Variants in CELF2 observed in about 807,000 individuals in gnomAD.
The protein encoded by CELF2 is CUGBP Elav-like family member 2.
In CELF2, 8 loss-of-function variants were observed where a neutral mutation model predicts 62.6. The observed-to-expected ratio is 0.13, with a 90% CI of 0.07 to 0.23. The LOEUF is 0.23. Ranked by LOEUF, CELF2 falls within the 10% of genes least tolerant of loss-of-function variation. The pLI is 1.00. For missense variants in CELF2, 333 were observed against 671.0 expected, an observed-to-expected ratio of 0.50 and a Z score of 5.56; for synonymous variants, 258 against 250.0, an observed-to-expected ratio of 1.03 and a Z score of -0.30.
the CELF2 span, among the ~76,000 whole-genome samples, chr10:10,537,197 C>T: frequency 6.6e-6 from 1 of 152,168 alleles, no homozygotes; most frequent in Non-Finnish European, 1.5e-5. Context: ...AGACTTGAGA[C>T]TTAGCTCTTA....
At chr10:11,032,146 CAAA>C (rs56364371) in intron 1 of CELF2, among the ~76,000 whole-genome samples, 2,647 of 86,382 alleles carry the variant, frequency 0.031, 64 homozygotes, top group Non-Finnish European at 0.047. Flanking sequence ...AGGGCTTAGC[CAAA>C]AAAAAAAAAA....
intron 1 of CELF2, among the ~76,000 whole-genome samples, chr10:11,144,060 G>C (rs896238527): frequency 1.3e-5 from 2 of 151,856 alleles, no homozygotes; most frequent in Non-Finnish European, 2.9e-5. Context: ...TTCATTTTTG[G>C]GTTCACTCTC....
chr10:10,838,159 G>A lies in CELF2; in HGVS notation c.53+39342G>A, dbSNP rs190061778. 1.3e-4 allele frequency among the ~76,000 whole-genome samples: 20 copies of A among 152,290 alleles called. 1 individual carries two copies. Among genetic ancestry groups the A allele is most frequent in the Admixed American group, 1.2e-3 (19 of 15,304 alleles). ...GACCTTGATCGTTTTGAGCAGGACT[G>A]CTTAGATATTTTGTCGAATGCTCCT... On this transcript the variant is annotated intron_variant, in intron 1 of 13. Transcript: ENST00000636488.
chr10:11,287,174 G>A (rs367781337), intron 8 of CELF2, among the ~76,000 whole-genome samples: 15 of 152,164 alleles, frequency 9.9e-5, no homozygotes, highest in East Asian at 1.9e-4. Flanking sequence ...AATTTGCTCC[G>A]TAGATATTGA....
intron 1 of CELF2, among the ~76,000 whole-genome samples, chr10:11,022,867 C>T (rs1164934193): frequency 2.0e-5 from 3 of 152,014 alleles, no homozygotes; most frequent in African/African-American, 2.4e-5. Flanking sequence ...TTGTAAAAAC[C>T]GACAAAAATG....
upstream of CELF2, chr10:11,005,300 A>C: frequency 6.8e-7 from 1 of 1,464,990 alleles, no homozygotes; most frequent in Non-Finnish European, 9.2e-7. This position sits in a 1 kb window ranked among gnomAD's most constrained non-coding sequence, Gnocchi z 4.3. Context: ...GAGAGGGAGG[A>C]GAGGGCGCGT....
At chr10:10,991,936 T>G (rs527621013) in intron 2 of CELF2, among the ~76,000 whole-genome samples, 1 of 152,346 alleles carries the variant, frequency 6.6e-6, no homozygotes, top group South Asian at 2.1e-4. Context: ...ACTATAGTTC[T>G]TCATTCACTT....
chr10:10,724,677 A>AAG, the CELF2 span, among the ~76,000 whole-genome samples: 1 of 151,202 alleles, frequency 6.6e-6, no homozygotes, highest in Non-Finnish European at 1.5e-5. Flanking sequence ...AAAAGAAAAA[A>AAG]GAAAAGTGCG....
the CELF2 span, among the ~76,000 whole-genome samples, chr10:10,732,375 A>G: frequency 6.6e-6 from 1 of 152,096 alleles, no homozygotes; most frequent in African/African-American, 2.4e-5. Context: ...TATTTTATGA[A>G]TATGTTTTTG....
At chr10:10,613,140 GTT>G in the CELF2 span, among the ~76,000 whole-genome samples, 335 of 151,884 alleles carry the variant, frequency 2.2e-3, no homozygotes, top group Non-Finnish European at 4.4e-3. Flanking sequence ...AAAGTAGAGG[GTT>G]TTTTTTTCCT....
intron 2 of CELF2, among the ~76,000 whole-genome samples, chr10:11,202,316 T>C (rs1318242019): frequency 6.6e-6 from 1 of 152,208 alleles, no homozygotes; most frequent in Admixed American, 6.5e-5. Context: ...AGCTTATAAA[T>C]ATATTGGGTG....
At chr10:10,899,739 C>A (rs1191603533) in intron 1 of CELF2, among the ~76,000 whole-genome samples, 1 of 152,108 alleles carries the variant, frequency 6.6e-6, no homozygotes, top group South Asian at 2.1e-4. Context: ...ACAATCATGG[C>A]GGAAAGTGAC....
At chr10:10,881,106 G>C (rs998539368) in intron 1 of CELF2, among the ~76,000 whole-genome samples, 4 of 152,172 alleles carry the variant, frequency 2.6e-5, no homozygotes, top group Non-Finnish European at 5.9e-5. Context: ...ACTTACGACT[G>C]TTACTAGGAC....
intron 3 of CELF2, among the ~76,000 whole-genome samples, chr10:11,248,219 G>A (rs1315905816): frequency 1.3e-5 from 2 of 152,178 alleles, no homozygotes; most frequent in East Asian, 3.8e-4. Context: ...GGTGGTTTGA[G>A]GAATTGATTC....
chr10:10,497,568 T>G, the CELF2 span, among the ~76,000 whole-genome samples: 1 of 150,692 alleles, frequency 6.6e-6, no homozygotes, highest in African/African-American at 2.4e-5. Context: ...AAGGGAGAGA[T>G]GAAGGGTTGG....
chr10:10,778,371 C>G, the CELF2 span, among the ~76,000 whole-genome samples: 1 of 152,188 alleles, frequency 6.6e-6, no homozygotes, highest in Non-Finnish European at 1.5e-5. Context: ...TCCAGTGACT[C>G]TCCTGCCTAC....
At chr10:11,115,948 A>T (rs2056464752) in intron 1 of CELF2, among the ~76,000 whole-genome samples, 1 of 152,162 alleles carries the variant, frequency 6.6e-6, no homozygotes, top group Non-Finnish European at 1.5e-5. Context: ...TTATGCTTTG[A>T]CAATTGGTAT....
intron 1 of CELF2, among the ~76,000 whole-genome samples, chr10:10,869,333 GC>G (rs1020682794): frequency 2.0e-5 from 3 of 152,166 alleles, no homozygotes; most frequent in African/African-American, 7.2e-5. Context: ...GGAGGCCAAG[GC>G]GGGCAGATCA....
intron 1 of CELF2, among the ~76,000 whole-genome samples, chr10:10,808,937 T>G (rs2055539501): frequency 6.6e-6 from 1 of 152,160 alleles, no homozygotes. Flanking sequence ...TTTTAAAAAT[T>G]TTATACATAA....
Sources: allele counts gnomAD v4.1 joint callset (sites outside exome capture counted in the v4.1 genomes callset), GRCh38; gene constraint gnomAD v4.1.1; non-coding constraint Gnocchi (gnomAD v3.1); transcripts MANE v1.5; gene names NCBI Gene and HGNC (gene_info 2026-07-23, HGNC 2026-07-21).